The following ARL14EPL variants were observed in gnomAD, a reference collection of about 807,000 sequenced individuals.
The protein encoded by ARL14EPL is ARF like GTPase 14 effector protein like, also known as ARL14 effector protein-like.
In ARL14EPL, 17 loss-of-function variants were observed where a neutral mutation model predicts 15.9. That is an observed-to-expected ratio of 1.07 (90% CI 0.73 to 1.60). ARL14EPL has a LOEUF of 1.60. Ranked by LOEUF, ARL14EPL falls within the 40% of genes most tolerant of loss-of-function variation. The pLI is 0.00. For missense variants in ARL14EPL, 214 were observed against 185.9 expected (o/e 1.15, Z -0.88); for synonymous variants, 78 against 63.8 (o/e 1.22, Z -1.06).
At chr5:116,053,156 T>A (rs1199923839) in intron 2 of ARL14EPL, among the ~76,000 whole-genome samples, 2 of 152,112 alleles carry the variant, frequency 1.3e-5, no homozygotes, top group Non-Finnish European at 2.9e-5. Flanking sequence ...AAGGCCAGCC[T>A]GGGCAACATG....
Position 116,035,535 on chromosome 5 carries a change from A to T in ARL14EPL, c.-10+3030A>T, listed in dbSNP as rs184851148. Among the ~76,000 whole-genome samples the T allele has an allele frequency of 5.6e-3, 854 of 152,356 alleles. 5 individuals carry two copies. The highest frequency in any genetic ancestry group is 9.3e-3 in the Non-Finnish European group (631 of 68,038). On this transcript the variant is annotated intron_variant, in intron 1 of 3. Coordinates refer to ENST00000686077, the MANE Select transcript of ARL14EPL (RefSeq NM_001195581.2). Reference sequence around the variant, plus strand: ...AAGGAATGGGTATTGGAGAACCAAAATGACAAAAGAGTAAGGCTGAGAAAA... The same window carrying T: ...AAGGAATGGGTATTGGAGAACCAAATTGACAAAAGAGTAAGGCTGAGAAAA...
chr5:116,049,772 A>T (rs1009018264), intron 1 of ARL14EPL, among the ~76,000 whole-genome samples: 2 of 152,252 alleles, frequency 1.3e-5, no homozygotes, highest in Admixed American at 1.3e-4. Flanking sequence ...GCAGTGCTAT[A>T]AAACACCACA....
intron 3 of ARL14EPL, 120 bp from the exon 4 acceptor site, chr5:116,058,605 T>C: frequency 1.1e-6 from 1 of 891,156 alleles, no homozygotes; most frequent in East Asian, 2.6e-5. Flanking sequence ...TTTCTGGTAA[T>C]CTCTGGAGTT....
intron 2 of ARL14EPL, among the ~76,000 whole-genome samples, chr5:116,052,746 C>G (rs1360861696): frequency 6.6e-6 from 1 of 152,196 alleles, no homozygotes; most frequent in Non-Finnish European, 1.5e-5. Context: ...TTACTAGACT[C>G]TTATTAAACT....
rs111586472 is a variant in ARL14EPL, at chr5:116,055,863, G to A, written c.236+1710G>A. 8.2e-3 allele frequency among the ~76,000 whole-genome samples: 1,243 copies of A among 151,538 alleles called. 18 individuals carry two copies. Among genetic ancestry groups the A allele is most frequent in the African/African-American group, 0.029 (1,189 of 41,258 alleles). On this transcript the variant is annotated intron_variant, in intron 3 of 3. Coordinates refer to ENST00000686077, the MANE Select transcript of ARL14EPL (RefSeq NM_001195581.2). Reference sequence around the variant, plus strand: ...CTTCCTCTGTCCAAGTGTTCTCATTGTTCAATTCTCATCTGTGAGTGAGAA... The same window carrying A: ...CTTCCTCTGTCCAAGTGTTCTCATTATTCAATTCTCATCTGTGAGTGAGAA...
chr5:116,057,123 A>G (rs1347432607), intron 3 of ARL14EPL, among the ~76,000 whole-genome samples: 2 of 152,246 alleles, frequency 1.3e-5, no homozygotes, highest in Non-Finnish European at 2.9e-5. Flanking sequence ...GGTTCAACAC[A>G]TGCAAATCAA....
At chr5:116,053,536 T>A (rs1312354344) in intron 2 of ARL14EPL, among the ~76,000 whole-genome samples, 2 of 151,944 alleles carry the variant, frequency 1.3e-5, no homozygotes, top group African/African-American at 4.8e-5. Flanking sequence ...CAGTCCCGGG[T>A]AGGGAGTAGC....
At chr5:116,037,439 A>G (rs1415003622) in intron 1 of ARL14EPL, among the ~76,000 whole-genome samples, 1 of 152,096 alleles carries the variant, frequency 6.6e-6, no homozygotes, top group Non-Finnish European at 1.5e-5. Flanking sequence ...GAAATGACTC[A>G]CCTTTGACTA....
intron 2 of ARL14EPL, among the ~76,000 whole-genome samples, chr5:116,052,500 A>T (rs1749410785): frequency 6.6e-6 from 1 of 152,222 alleles, no homozygotes; most frequent in African/African-American, 2.4e-5. Flanking sequence ...GAGATGTAGC[A>T]ATTTGCTCAA....
chr5:116,046,461 C>T (rs1749269830), intron 1 of ARL14EPL, among the ~76,000 whole-genome samples: 1 of 151,972 alleles, frequency 6.6e-6, no homozygotes, highest in South Asian at 2.1e-4. Flanking sequence ...GTCATTTTGC[C>T]TGGAGTGTCG....
At chr5:116,036,550 T>G (rs1338187432) in intron 1 of ARL14EPL, among the ~76,000 whole-genome samples, 1 of 152,242 alleles carries the variant, frequency 6.6e-6, no homozygotes, top group Non-Finnish European at 1.5e-5. Context: ...TAGGGGCTTA[T>G]AGAAGCTCTA....
chr5:116,048,100 G>C (rs903337017), intron 1 of ARL14EPL, among the ~76,000 whole-genome samples: 3 of 152,162 alleles, frequency 2.0e-5, no homozygotes, highest in Non-Finnish European at 4.4e-5. Flanking sequence ...TCCATCTTCA[G>C]ATCACACTTT....
At chr5:116,053,587 C>T (rs1749446787) in intron 2 of ARL14EPL, among the ~76,000 whole-genome samples, 1 of 152,080 alleles carries the variant, frequency 6.6e-6, no homozygotes, top group African/African-American at 2.4e-5. Context: ...AGTGCCGGAT[C>T]TACTTTGGGT....
intron 1 of ARL14EPL, among the ~76,000 whole-genome samples, chr5:116,043,999 G>A (rs1293075059): frequency 6.6e-6 from 1 of 152,102 alleles, no homozygotes; most frequent in Non-Finnish European, 1.5e-5. Context: ...TACAAGCTTT[G>A]CATTTTATCA....
intron 1 of ARL14EPL, among the ~76,000 whole-genome samples, chr5:116,046,226 A>C (rs1452606674): frequency 6.6e-6 from 1 of 152,220 alleles, no homozygotes; most frequent in African/African-American, 2.4e-5. Context: ...TCTTACAGAT[A>C]GTGTCCCTGA....
At position 116,058,853 on chromosome 5, in the gene ARL14EPL, C is replaced by T; in HGVS notation, c.365C>T (p.Pro122Leu). Residue 122 changes from proline (P) to leucine (L), a missense_variant, in exon 4 of 4, where the codon CCC becomes CTC. By Grantham distance (98) the Pro-to-Leu change is moderately conservative (BLOSUM62 -3). Transcript: ENST00000686077. ...AAGTGTAACTCCAACAAGTGTGGGC[C>T]CGAGTGCCGCTGCAACCGACGGTGG... ...CPKCNSNKCG[P>L]ECRCNRRWVY... 3.3e-6 allele frequency: 5 copies of T among 1,536,052 alleles called. No homozygotes were observed. Among genetic ancestry groups the T allele is most frequent in the Non-Finnish European group, 4.4e-6 (5 of 1,146,902 alleles).
At chr5:116,058,593 T>G in intron 3 of ARL14EPL, 132 bp from the exon 4 acceptor site, 1 of 812,820 alleles carries the variant, frequency 1.2e-6, no homozygotes, top group Non-Finnish European at 1.9e-6. Context: ...AGAGTACCAA[T>G]GTTTCTGGTA....
chr5:116,044,082 T>A (rs1749218497), intron 1 of ARL14EPL, among the ~76,000 whole-genome samples: 1 of 152,196 alleles, frequency 6.6e-6, no homozygotes, highest in Non-Finnish European at 1.5e-5. Context: ...AATATAGCAG[T>A]GGCTTAATAC....
chr5:116,050,907 G>A (rs1277838966), intron 1 of ARL14EPL, among the ~76,000 whole-genome samples: 3 of 151,600 alleles, frequency 2.0e-5, no homozygotes, highest in Non-Finnish European at 4.4e-5. Flanking sequence ...GAAGAAGTAA[G>A]TTACAGGCAT....
Sources: gnomAD v4.1 joint callset for allele counts (sites outside exome capture counted in the v4.1 genomes callset) on GRCh38, gnomAD v4.1.1 for gene constraint, MANE v1.5 for transcripts, NCBI Gene and HGNC (gene_info 2026-07-23, HGNC 2026-07-21) for gene names.